Variants in LGR5 observed in about 807,000 individuals in gnomAD.
The protein encoded by LGR5 is leucine-rich repeat-containing G protein-coupled receptor 5.
In LGR5, 54 loss-of-function variants were observed where a neutral mutation model predicts 76.7. The observed-to-expected ratio is 0.70, with a 90% CI of 0.57 to 0.88. The LOEUF (loss-of-function observed/expected upper bound fraction) is 0.88, where lower values mean the gene tolerates loss of function less well. Ranked by LOEUF, LGR5 falls within the 40% of genes least tolerant of loss-of-function variation. LGR5 has a pLI of 0.00. For synonymous variants in LGR5, 406 were observed against 421.9 expected, an observed-to-expected ratio of 0.96 and a Z score of 0.46; for missense variants, 1,078 against 1,073.3, an observed-to-expected ratio of 1.00 and a Z score of -0.06.
chr12:71,580,535 C>T, intron 16 of LGR5, 112 bp downstream of exon 16: 5 of 1,075,776 alleles, frequency 4.6e-6, no homozygotes, highest in Non-Finnish European at 6.8e-6. Flanking sequence ...GTGGCACACA[C>T]CTGTAATCCC....
intron 11 of LGR5, among the ~76,000 whole-genome samples, chr12:71,568,401 T>G (rs1204959186): frequency 6.6e-6 from 1 of 152,174 alleles, no homozygotes; most frequent in Non-Finnish European, 1.5e-5. Flanking sequence ...GAGGACTGAT[T>G]AAATGACTAC....
At chr12:71,566,300 TA>T in intron 8 of LGR5, 103 bp from the exon 9 acceptor site, 1 of 747,518 alleles carries the variant, frequency 1.3e-6, no homozygotes, top group Non-Finnish European at 2.2e-6. Context: ...ACAGTATAAT[TA>T]AAATTACATA....
chr12:71,500,037 G>C (rs1297291541), intron 1 of LGR5, among the ~76,000 whole-genome samples: 2 of 152,048 alleles, frequency 1.3e-5, no homozygotes, highest in Non-Finnish European at 2.9e-5. Context: ...ATTAACACCA[G>C]GGGGCTTATG....
chr12:71,490,761 A>G (rs1042349589), intron 1 of LGR5, among the ~76,000 whole-genome samples: 13 of 152,180 alleles, frequency 8.5e-5, no homozygotes. Context: ...AGGCCTAACC[A>G]TCATGTTTGT....
intron 8 of LGR5, among the ~76,000 whole-genome samples, chr12:71,565,494 A>G (rs948755148): frequency 6.7e-6 from 1 of 150,028 alleles, no homozygotes; most frequent in Non-Finnish European, 1.5e-5. Flanking sequence ...TATATAACAC[A>G]TACATATATG....
chr12:71,531,297 C>A (rs1876295715), intron 3 of LGR5, among the ~76,000 whole-genome samples: 1 of 152,064 alleles, frequency 6.6e-6, no homozygotes, highest in African/African-American at 2.4e-5. Flanking sequence ...CAATTGCACC[C>A]CCTAGCACTA....
chr12:71,449,015 C>G (rs1287003036), intron 1 of LGR5, among the ~76,000 whole-genome samples: 1 of 152,166 alleles, frequency 6.6e-6, no homozygotes, highest in Admixed American at 6.5e-5. Flanking sequence ...ATTTGCGACC[C>G]AAGGGACAGT....
Position 71,489,040 on chromosome 12 carries a change from A to G in LGR5, c.213-15574A>G, listed in dbSNP as rs536269391. 7.2e-5 allele frequency among the ~76,000 whole-genome samples: 11 copies of G among 152,326 alleles called. No homozygotes were observed. The South Asian group carries it at 2.3e-3, about 32-fold the overall frequency. On this transcript the variant is annotated intron_variant, in intron 1 of 17. Coordinates refer to ENST00000266674, the MANE Select transcript of LGR5 (RefSeq NM_003667.4). ...TTTCTACAAGGGAAAGCCTTAATCC[A>G]TTCTAAAAACAGACACACTATCACA...
intron 1 of LGR5, among the ~76,000 whole-genome samples, chr12:71,485,367 C>T (rs1873781185): frequency 6.6e-6 from 1 of 151,970 alleles, no homozygotes; most frequent in Admixed American, 6.6e-5. Flanking sequence ...ATTTAGTGTT[C>T]CAATGTCAGA....
chr12:71,446,978 A>G (rs1416773574), intron 1 of LGR5, among the ~76,000 whole-genome samples: 1 of 152,232 alleles, frequency 6.6e-6, no homozygotes, highest in Non-Finnish European at 1.5e-5. Context: ...CTAGGCAAGA[A>G]TAAAACTTTT....
At chr12:71,451,595 C>T (rs538244948) in intron 1 of LGR5, among the ~76,000 whole-genome samples, 5 of 152,280 alleles carry the variant, frequency 3.3e-5, no homozygotes, top group Admixed American at 6.5e-5. Flanking sequence ...AGAAACCTGT[C>T]TTTGATGCTC....
intron 4 of LGR5, among the ~76,000 whole-genome samples, chr12:71,542,202 A>C (rs1295364570): frequency 2.0e-5 from 3 of 152,226 alleles, no homozygotes; most frequent in Non-Finnish European, 4.4e-5. Flanking sequence ...AAGGCATCCT[A>C]CTGCTAATGC....
chr12:71,505,898 A>G (rs4337131), intron 2 of LGR5, among the ~76,000 whole-genome samples: 14,142 of 151,960 alleles, frequency 0.093, 701 homozygotes, highest in Non-Finnish European at 0.11. Flanking sequence ...TTTTTTTTCC[A>G]TCTTCTCTTT....
intron 1 of LGR5, among the ~76,000 whole-genome samples, chr12:71,442,247 C>T (rs1323746785): frequency 1.3e-5 from 2 of 152,126 alleles, no homozygotes; most frequent in Non-Finnish European, 2.9e-5. Context: ...TGCTTTAAAC[C>T]ATTTCCCACA....
intron 1 of LGR5, among the ~76,000 whole-genome samples, chr12:71,469,603 G>A (rs1285353169): frequency 2.0e-5 from 3 of 152,240 alleles, no homozygotes; most frequent in Non-Finnish European, 2.9e-5. Flanking sequence ...AGATGGGGGT[G>A]AGGTCAAAGC....
intron 8 of LGR5, among the ~76,000 whole-genome samples, chr12:71,564,742 G>GTA (rs577526284): frequency 7.3e-4 from 16 of 21,814 alleles, no homozygotes; most frequent in Admixed American, 3.6e-3. Context: ...TACACACACT[G>GTA]TATATATATA....
chr12:71,580,399 G>C lies in LGR5; in HGVS notation c.1528G>C (p.Asp510His), dbSNP rs1416413311. Residue 510 changes from aspartate to histidine, a missense_variant, in exon 16 of 18, where the codon GAT becomes CAT. Coordinates refer to ENST00000266674, the MANE Select transcript of LGR5 (RefSeq NM_003667.4). Reference protein sequence around the residue: ...NSSMDDLHKKDAGMFQAQDER... With the variant: ...NSSMDDLHKKHAGMFQAQDER... ...CAGTATGGACGACCTTCATAAGAAA[G>C]ATGCTGGAATGTTTCAGGCTCAAGG... The C allele has an allele frequency of 6.2e-7, 1 of 1,613,662 alleles. No individual in the cohort carries two copies. Among genetic ancestry groups the C allele is most frequent in the Admixed American group, 1.7e-5 (1 of 59,882 alleles).
intron 2 of LGR5, among the ~76,000 whole-genome samples, chr12:71,513,506 G>T (rs998498673): frequency 2.0e-5 from 3 of 152,160 alleles, no homozygotes; most frequent in Non-Finnish European, 4.4e-5. Context: ...TGCTATATTT[G>T]AACCAAACTT....
chr12:71,514,106 A>C lies in LGR5; in HGVS notation c.284+9421A>C, dbSNP rs562951430. Among the ~76,000 whole-genome samples, 28 of 151,540 alleles carry C rather than the reference A, an allele frequency of 1.8e-4. 2 individuals are homozygous for C. In the South Asian group the frequency reaches 5.4e-3, roughly 29 times the overall value. The stretch of plus-strand genomic sequence containing the variant: ...CTTAAAAAACAACAACAACAACAAA[A>C]ACAAACAAACAAACAAAAATAACAC... On this transcript the variant is annotated intron_variant, in intron 2 of 17. Coordinates refer to ENST00000266674, the MANE Select transcript of LGR5 (RefSeq NM_003667.4).
Sources: allele counts gnomAD v4.1 joint callset (sites outside exome capture counted in the v4.1 genomes callset), GRCh38; gene constraint gnomAD v4.1.1; transcripts MANE v1.5; gene names NCBI Gene and HGNC (gene_info 2026-07-23, HGNC 2026-07-21).